KCNK17: variants seen among roughly 807,000 people sequenced by gnomAD.
KCNK17 encodes the protein potassium two pore domain channel subfamily K member 17.
Under a neutral mutation model 24.6 loss-of-function variants are expected in KCNK17, and 27 were observed. That is an observed-to-expected ratio of 1.10 (90% CI 0.81 to 1.51). The LOEUF is 1.51. Ranked by LOEUF, KCNK17 falls within the 40% of genes most tolerant of loss-of-function variation. The probability of loss-of-function intolerance (pLI) is 0.00; values close to 1 mark genes in which losing one functional copy is unlikely to be tolerated. For missense variants in KCNK17, 450 were observed against 436.6 expected (o/e 1.03, Z -0.27); for synonymous variants, 181 against 189.8 (o/e 0.95, Z 0.38).
chr6:39,313,572 G>A (rs572772895), intron 1 of KCNK17, among the ~76,000 whole-genome samples: 5 of 152,162 alleles, frequency 3.3e-5, no homozygotes, highest in Non-Finnish European at 7.4e-5. Flanking sequence ...CTTAGACCCG[G>A]CGCCCCTGCC....
chr6:39,314,380 G>T lies in KCNK17; in HGVS notation c.-60C>A. The T allele has an allele frequency of 8.2e-7, 1 of 1,218,158 alleles. No homozygotes were observed. The allele number at this position is 1,218,158 out of a possible 1,614,324, so 75.5% of individuals were successfully genotyped here. On this transcript the variant is annotated 5_prime_UTR_variant, in exon 1 of 5. Transcript: ENST00000373231. ...TGGACTAGGACCCGGTGGGAGGGAAGGGCCAGGCGTCCAGCTCGTATCTCC... is the reference window on the plus strand; with the variant it reads ...TGGACTAGGACCCGGTGGGAGGGAATGGCCAGGCGTCCAGCTCGTATCTCC...
At chr6:39,311,390 G>A (rs1762137133) in intron 1 of KCNK17, among the ~76,000 whole-genome samples, 1 of 152,158 alleles carries the variant, frequency 6.6e-6, no homozygotes. Flanking sequence ...GTGACCACAA[G>A]AGACATGACC....
Position 39,311,074 on chromosome 6 carries a change from A to ACG in KCNK17, c.238-68_238-67insCG. 1.5e-4 allele frequency: 3 copies of ACG among 19,444 alleles called. No homozygotes were observed. In the South Asian group the frequency reaches 4.8e-3, roughly 31 times the overall value. The allele number at this position is 19,444 out of a possible 1,614,324, so 1.2% of individuals were successfully genotyped here. ...ATGGATTTCCTGTACCCCAAGATGC[A>ACG]CACACACACACACACACACACACAC... On this transcript the variant is annotated intron_variant, in intron 1 of 4. Transcript: ENST00000373231.
Position 39,304,055 on chromosome 6 carries a change from G to T in KCNK17, c.590C>A (p.Pro197Gln), listed in dbSNP as rs367870782. The change falls in exon 4 of 5, where the codon CCG (proline) becomes CAG (glutamine). Residue 197 changes from proline to glutamine, a missense_variant. Transcript: ENST00000373231. ...GCCCTCCATGTGGGAGAAGAGCAGC[G>T]GTGGCAGCAGCAGGAAGAGCAGGAG... ...SGLLLFLLLP[P>Q]LLFSHMEGWS... The T allele has an allele frequency of 2.5e-6, 4 of 1,613,536 alleles. No homozygotes were observed. The highest frequency in any genetic ancestry group is 1.3e-5 in the African/African-American group (1 of 74,930).
At chr6:39,308,441 C>T (rs1762072764) in intron 2 of KCNK17, among the ~76,000 whole-genome samples, 1 of 152,236 alleles carries the variant, frequency 6.6e-6, no homozygotes, top group Non-Finnish European at 1.5e-5. Context: ...CAGGCACCCG[C>T]CACCACGTCT....
chr6:39,301,319 C>CT (rs1761947828), intron 4 of KCNK17, among the ~76,000 whole-genome samples: 1 of 152,222 alleles, frequency 6.6e-6, no homozygotes, highest in Non-Finnish European at 1.5e-5. Context: ...TCTTTGCTCC[C>CT]TGTACCATGC....
chr6:39,305,414 C>T (rs916759110), intron 2 of KCNK17, among the ~76,000 whole-genome samples: 3 of 152,126 alleles, frequency 2.0e-5, no homozygotes, highest in Non-Finnish European at 2.9e-5. Flanking sequence ...CAAACTAGCA[C>T]AACGGGGCTC....
intron 1 of KCNK17, among the ~76,000 whole-genome samples, chr6:39,312,902 C>T (rs1369776615): frequency 6.6e-6 from 1 of 152,224 alleles, no homozygotes; most frequent in African/African-American, 2.4e-5. Flanking sequence ...AGGCCTGGCC[C>T]TGGCTACCTC....
chr6:39,313,296 C>A (rs1762184900), intron 1 of KCNK17, among the ~76,000 whole-genome samples: 1 of 152,246 alleles, frequency 6.6e-6, no homozygotes, highest in African/African-American at 2.4e-5. Context: ...TGAGTCCTCC[C>A]CTGAACCCTG....
chr6:39,305,755 C>A (rs1222075025), intron 2 of KCNK17, among the ~76,000 whole-genome samples: 2 of 152,174 alleles, frequency 1.3e-5, no homozygotes, highest in African/African-American at 4.8e-5. Flanking sequence ...TCGTCTGGTG[C>A]CCCCGCTTCC....
intron 1 of KCNK17, among the ~76,000 whole-genome samples, chr6:39,312,494 C>T (rs1583773700): frequency 6.6e-6 from 1 of 152,304 alleles, no homozygotes; most frequent in South Asian, 2.1e-4. Context: ...TGGTTAACAG[C>T]TCCAGCTCCT....
rs754924644 is a variant in KCNK17 at position 39,304,174 on chromosome 6, C to T, written c.514-43G>A. On this transcript the variant is annotated intron_variant, in intron 3 of 4. Coordinates refer to ENST00000373231, the MANE Select transcript of KCNK17 (RefSeq NM_031460.4). ...TCCCCAGGCCTCCTGAGGCCTTCAC[C>T]CCATGCGTGGGAGCCGAGGGAGCTG... 2.5e-6 allele frequency: 4 copies of T among 1,579,034 alleles called. No individual in the cohort carries two copies. The African/African-American group carries it at 4.0e-5, about 16-fold the overall frequency.
intron 2 of KCNK17, among the ~76,000 whole-genome samples, chr6:39,310,272 C>A (rs1323306243): frequency 6.6e-6 from 1 of 152,116 alleles, no homozygotes; most frequent in Non-Finnish European, 1.5e-5. Flanking sequence ...CAAGCTCTAC[C>A]TCAGCTCTTC....
chr6:39,302,757 G>A (rs1761967601), intron 4 of KCNK17, among the ~76,000 whole-genome samples: 1 of 152,148 alleles, frequency 6.6e-6, no homozygotes, highest in Non-Finnish European at 1.5e-5. Context: ...GGTAAAGGTG[G>A]GAACATGACC....
chr6:39,305,612 C>T (rs1378741540), intron 2 of KCNK17, among the ~76,000 whole-genome samples: 2 of 152,206 alleles, frequency 1.3e-5, no homozygotes, highest in Non-Finnish European at 2.9e-5. Context: ...TGCCTCCACC[C>T]TTCTTGATCA....
intron 2 of KCNK17, among the ~76,000 whole-genome samples, chr6:39,309,747 T>C (rs1488330959): frequency 2.0e-5 from 3 of 152,196 alleles, no homozygotes; most frequent in African/African-American, 7.2e-5. Context: ...GCCTGGTGAA[T>C]GCATATTTAA....
At chr6:39,308,113 C>G (rs769610367) in intron 2 of KCNK17, among the ~76,000 whole-genome samples, 6 of 152,232 alleles carry the variant, frequency 3.9e-5, no homozygotes, top group Non-Finnish European at 8.8e-5. Flanking sequence ...GCACACCCCA[C>G]TACCTGATTA....
At chr6:39,313,867 CG>C (rs1762208079) in intron 1 of KCNK17, among the ~76,000 whole-genome samples, 1 of 152,228 alleles carries the variant, frequency 6.6e-6, no homozygotes, top group Non-Finnish European at 1.5e-5. Context: ...GCAGTCCTCT[CG>C]CTAGGGCGAG....
chr6:39,300,323 A>G (rs1011721984), intron 4 of KCNK17: 9 of 703,128 alleles, frequency 1.3e-5, no homozygotes, highest in African/African-American at 5.3e-5. Context: ...GGGTTTCACC[A>G]TTGTTGCCCA....
Sources: allele counts gnomAD v4.1 joint callset (sites outside exome capture counted in the v4.1 genomes callset), GRCh38; gene constraint gnomAD v4.1.1; transcripts MANE v1.5; gene names NCBI Gene and HGNC (gene_info 2026-07-23, HGNC 2026-07-21).